SLC1A3: variants seen among roughly 807,000 people sequenced by gnomAD.
The protein encoded by SLC1A3 is excitatory amino acid transporter 1.
Under a neutral mutation model 48.1 loss-of-function variants are expected in SLC1A3, and 21 were observed. The observed-to-expected ratio is 0.44, with a 90% CI of 0.31 to 0.63. The LOEUF is 0.63. SLC1A3 is among the 20% of genes least tolerant of loss of function. The pLI is 0.08. For synonymous variants in SLC1A3, 239 were observed against 251.4 expected, an observed-to-expected ratio of 0.95 and a Z score of 0.47; for missense variants, 546 against 689.0, an observed-to-expected ratio of 0.79 and a Z score of 2.32.
chr5:36,686,307 TA>T lies in SLC1A3; in HGVS notation c.*43del. The T allele has an allele frequency of 6.9e-7, 1 of 1,452,402 alleles. No individual in the cohort carries two copies. The highest frequency in any genetic ancestry group is 9.7e-7 in the Non-Finnish European group (1 of 1,032,548). The allele number at this position is 1,452,402 out of a possible 1,614,324, so 90.0% of individuals were successfully genotyped here. ...AAACACTTTCTTGAGCACCAGGTGT[TA>T]AAAACCATTATAAAATCTTTCCATC... On this transcript the variant is annotated 3_prime_UTR_variant, in exon 10 of 10. Transcript: ENST00000265113.
chr5:36,608,386 T>C lies in SLC1A3; in HGVS notation c.-38T>C. ...CTTTCTGTGGGTGATTCCCAGACAC[T>C]GAAGTGCAAAGAAGAGACCCTCCTA... On this transcript the variant is annotated 5_prime_UTR_variant, in exon 2 of 10. Coordinates refer to ENST00000265113, the MANE Select transcript of SLC1A3 (RefSeq NM_004172.5). 1 of 1,605,830 alleles carries C rather than the reference T, an allele frequency of 6.2e-7. No homozygotes were observed. Among genetic ancestry groups the C allele is most frequent in the Non-Finnish European group, 8.5e-7 (1 of 1,173,446 alleles).
chr5:36,650,350 A>G (rs546907976), intron 3 of SLC1A3, among the ~76,000 whole-genome samples: 23 of 152,256 alleles, frequency 1.5e-4, no homozygotes, highest in Non-Finnish European at 2.9e-4. Flanking sequence ...TAAAACATAA[A>G]TAATAATCCT....
intron 2 of SLC1A3, among the ~76,000 whole-genome samples, chr5:36,623,815 A>G (rs971618345): frequency 6.7e-6 from 1 of 149,888 alleles, no homozygotes; most frequent in African/African-American, 2.5e-5. Context: ...GTGAGCCGAG[A>G]TTGCGCCACT....
At chr5:36,636,515 TTCTTTCTCTCTCTTTCCTTTTC>T (rs1561255391) in intron 3 of SLC1A3, 4 of 148,362 alleles carry the variant, frequency 2.7e-5, no homozygotes, top group Non-Finnish European at 5.9e-5. Context: ...TTTTCTTTCT[TTCTTTCTCTCTCTTTCCTTTTC>T]TCTCTCTCTT....
intron 4 of SLC1A3, among the ~76,000 whole-genome samples, chr5:36,672,886 CAGAT>C (rs1293895984): frequency 1.3e-5 from 2 of 152,192 alleles, no homozygotes; most frequent in Non-Finnish European, 1.5e-5. Context: ...ACTTTACCCT[CAGAT>C]AGTTTAGATT....
chr5:36,651,789 A>G (rs565271876), intron 3 of SLC1A3, among the ~76,000 whole-genome samples: 113 of 152,262 alleles, frequency 7.4e-4, no homozygotes, highest in African/African-American at 2.7e-3. Flanking sequence ...GACAGAAATC[A>G]TCTTTCGAGA....
chr5:36,617,572 C>T (rs538423468), intron 2 of SLC1A3, among the ~76,000 whole-genome samples: 1 of 151,772 alleles, frequency 6.6e-6, no homozygotes, highest in East Asian at 1.9e-4. Flanking sequence ...ATTCATTTCT[C>T]GTATGCCTTT....
chr5:36,644,438 A>C (rs1450334294), intron 3 of SLC1A3, among the ~76,000 whole-genome samples: 2 of 152,240 alleles, frequency 1.3e-5, no homozygotes, highest in Admixed American at 1.3e-4. Flanking sequence ...TGTTGCACTA[A>C]AATATGAGTT....
At chr5:36,596,670 G>C (rs936651805) in exon 1 of SLC1A3, among the ~76,000 whole-genome samples, 3 of 152,208 alleles carry the variant, frequency 2.0e-5, no homozygotes, top group African/African-American at 7.2e-5. Flanking sequence ...CCTGTGCAGG[G>C]CTTGAGGGGT....
rs1326461851 is a variant in SLC1A3, at chr5:36,680,401, C to T, written c.1101C>T (p.Ala367=). 3.7e-6 allele frequency: 6 copies of T among 1,614,030 alleles called. No individual in the cohort carries two copies. The highest frequency in any genetic ancestry group is 1.7e-4 in the Middle Eastern group (1 of 6,054). ...ITALGTSSSS[A]TLPITFKCLE... Reference sequence around the variant, plus strand: ...CCTATTTCACTGTTCTCAGTTCTGCCACCCTACCCATCACCTTCAAGTGCC... The same window carrying T: ...CCTATTTCACTGTTCTCAGTTCTGCTACCCTACCCATCACCTTCAAGTGCC... Residue 367 remains alanine (A), a synonymous_variant, in exon 8 of 10, where the codon GCC becomes GCT. Transcript: ENST00000265113.
chr5:36,630,990 T>G (rs1424608871), intron 3 of SLC1A3, among the ~76,000 whole-genome samples: 1 of 152,228 alleles, frequency 6.6e-6, no homozygotes, highest in African/African-American at 2.4e-5. Flanking sequence ...ATGCTTATTT[T>G]ATTATCCATA....
At chr5:36,680,654 A>C in intron 8 of SLC1A3, 65 bp downstream of exon 8, 34 of 1,396,588 alleles carry the variant, frequency 2.4e-5, no homozygotes, top group Non-Finnish European at 3.1e-5. Context: ...GTGGTGGCTC[A>C]CGCCTGTAAT....
At chr5:36,672,232 C>G (rs1202966606) in intron 4 of SLC1A3, among the ~76,000 whole-genome samples, 1 of 152,174 alleles carries the variant, frequency 6.6e-6, no homozygotes, top group Non-Finnish European at 1.5e-5. Context: ...TAGACTCCCT[C>G]TGCCCTGTGA....
intron 3 of SLC1A3, among the ~76,000 whole-genome samples, chr5:36,635,741 G>T (rs1189043929): frequency 6.6e-6 from 1 of 152,184 alleles, no homozygotes; most frequent in Non-Finnish European, 1.5e-5. Context: ...CACCCATGTT[G>T]TGAGCGGAGA....
intron 3 of SLC1A3, among the ~76,000 whole-genome samples, chr5:36,658,475 T>C (rs973249342): frequency 2.0e-5 from 3 of 152,166 alleles, no homozygotes; most frequent in African/African-American, 7.2e-5. Context: ...ATGATGCATA[T>C]TGAGTCTATA....
intron 2 of SLC1A3, among the ~76,000 whole-genome samples, chr5:36,623,129 C>G (rs1321695846): frequency 6.6e-6 from 1 of 151,964 alleles, no homozygotes; most frequent in East Asian, 1.9e-4. Context: ...AGCAAAAATG[C>G]AACTTTGTTT....
chr5:36,666,843 C>G (rs1741770817), intron 3 of SLC1A3, among the ~76,000 whole-genome samples: 1 of 152,180 alleles, frequency 6.6e-6, no homozygotes, highest in South Asian at 2.1e-4. Flanking sequence ...CCCCTAAAAT[C>G]CCATGAATTT....
intron 8 of SLC1A3, among the ~76,000 whole-genome samples, chr5:36,682,535 A>T: frequency 6.6e-6 from 1 of 152,180 alleles, no homozygotes; most frequent in East Asian, 1.9e-4. Context: ...AAAAGGTGAC[A>T]GAGTTAAAAA....
At chr5:36,685,092 T>C (rs1742591177) in intron 9 of SLC1A3, among the ~76,000 whole-genome samples, 1 of 152,204 alleles carries the variant, frequency 6.6e-6, no homozygotes, top group African/African-American at 2.4e-5. Flanking sequence ...ATATTTATCA[T>C]ATTAGACACA....
Sources: gnomAD v4.1 joint callset for allele counts (sites outside exome capture counted in the v4.1 genomes callset) on GRCh38, gnomAD v4.1.1 for gene constraint, MANE v1.5 for transcripts, NCBI Gene and HGNC (gene_info 2026-07-23, HGNC 2026-07-21) for gene names.